Variants in PPP2R2B observed in about 807,000 individuals in gnomAD.
PPP2R2B encodes serine/threonine-protein phosphatase 2A 55 kDa regulatory subunit B beta isoform.
In PPP2R2B, 5 loss-of-function variants were observed where a neutral mutation model predicts 46.0. That is an observed-to-expected ratio of 0.11 (90% confidence interval 0.06 to 0.23). PPP2R2B has a LOEUF of 0.23. Among genes scored for constraint, PPP2R2B ranks in the 10% least tolerant of loss-of-function variants. The probability of loss-of-function intolerance (pLI) is 1.00; values close to 1 mark genes in which losing one functional copy is unlikely to be tolerated. For missense variants in PPP2R2B, 367 were observed against 575.0 expected (o/e 0.64, Z 3.70); for synonymous variants, 215 against 206.7 (o/e 1.04, Z -0.34).
intron 2 of PPP2R2B, among the ~76,000 whole-genome samples, chr5:146,702,778 A>G (rs749446815): frequency 6.6e-6 from 1 of 152,250 alleles, no homozygotes; most frequent in Non-Finnish European, 1.5e-5. Context: ...CAGAGTCTTC[A>G]TTTGGAATAG....
intron 6 of PPP2R2B, among the ~76,000 whole-genome samples, chr5:146,648,207 C>G (rs1051072582): frequency 6.6e-6 from 1 of 152,176 alleles, no homozygotes. Context: ...CACTTGTGAT[C>G]TTCCATGACC....
intron 1 of PPP2R2B, among the ~76,000 whole-genome samples, chr5:147,014,786 A>G (rs1238266539): frequency 6.6e-6 from 1 of 152,044 alleles, no homozygotes; most frequent in Non-Finnish European, 1.5e-5. Context: ...CTAATGCTAG[A>G]TGACGAGTTA....
At chr5:146,664,177 C>A (rs1190479902) in intron 5 of PPP2R2B, among the ~76,000 whole-genome samples, 1 of 152,114 alleles carries the variant, frequency 6.6e-6, no homozygotes, top group Non-Finnish European at 1.5e-5. Flanking sequence ...ATGAAGTTTG[C>A]CATATCGATC....
At chr5:147,074,238 C>A (rs1397253623) in intron 2 of PPP2R2B, among the ~76,000 whole-genome samples, 2 of 151,942 alleles carry the variant, frequency 1.3e-5, no homozygotes, top group Non-Finnish European at 2.9e-5. Flanking sequence ...GTAACTGAAC[C>A]AAGTTTAAAG....
chr5:146,658,074 C>G (rs1459228555), intron 5 of PPP2R2B, among the ~76,000 whole-genome samples: 1 of 152,134 alleles, frequency 6.6e-6, no homozygotes, highest in Non-Finnish European at 1.5e-5. Flanking sequence ...AGGAGGTAGG[C>G]AATATGTAAC....
intron 1 of PPP2R2B, among the ~76,000 whole-genome samples, chr5:146,914,781 G>C (rs184057963): frequency 4.6e-4 from 70 of 152,308 alleles, no homozygotes; most frequent in African/African-American, 1.5e-3. Flanking sequence ...GTAGACAGCA[G>C]ATTTGGTAGC....
intron 2 of PPP2R2B, among the ~76,000 whole-genome samples, chr5:146,770,351 A>C (rs1473664214): frequency 2.0e-5 from 3 of 151,082 alleles, no homozygotes; most frequent in Non-Finnish European, 4.4e-5. Flanking sequence ...AAAAAAAAAA[A>C]AAAAGAATGA....
In PPP2R2B at chr5:146,589,826, C is replaced by CCAAT. The variant is rs1407577938; in HGVS notation, c.*117_*120dup. The CCAAT allele has an allele frequency of 6.5e-6, 7 of 1,068,972 alleles. No homozygotes were observed. The highest frequency in any genetic ancestry group is 3.1e-5 in the South Asian group (2 of 64,700). The allele number at this position is 1,068,972 out of a possible 1,614,324, so 66.2% of individuals were successfully genotyped here. A position where few individuals can be genotyped will look rare whatever the true frequency, so the allele number is the denominator to read the frequency against. On this transcript the variant is annotated 3_prime_UTR_variant, in exon 10 of 10. Transcript: ENST00000394411. ...ATGTTGGACTCCTTTTAATTCTATT[C>CCAAT]CAATCATTTCCTGTATAGGGAAATT...
intron 2 of PPP2R2B, among the ~76,000 whole-genome samples, chr5:146,740,307 T>A (rs1752788484): frequency 6.6e-6 from 1 of 152,152 alleles, no homozygotes; most frequent in Admixed American, 6.5e-5. Flanking sequence ...ATCTTGGAGA[T>A]GATGGGCAAT....
chr5:146,738,395 C>CAAAAAAAA (rs58520511), intron 2 of PPP2R2B, among the ~76,000 whole-genome samples: 2 of 85,842 alleles, frequency 2.3e-5, no homozygotes, highest in African/African-American at 7.9e-5. Flanking sequence ...GACTCAGTCT[C>CAAAAAAAA]AAAAAAAAAA....
chr5:146,622,930 C>A (rs1773806200), intron 7 of PPP2R2B, among the ~76,000 whole-genome samples: 2 of 152,164 alleles, frequency 1.3e-5, no homozygotes, highest in South Asian at 4.1e-4. Context: ...AACATTGAGA[C>A]AATTCTGAGT....
intron 1 of PPP2R2B, among the ~76,000 whole-genome samples, chr5:146,888,230 A>G (rs959047694): frequency 1.3e-5 from 2 of 152,120 alleles, no homozygotes; most frequent in Non-Finnish European, 2.9e-5. Flanking sequence ...ACCTCTCCCC[A>G]GACCTCCAGA....
chr5:146,740,167 C>A (rs989589044), intron 2 of PPP2R2B, among the ~76,000 whole-genome samples: 6 of 152,080 alleles, frequency 3.9e-5, no homozygotes, highest in Admixed American at 3.9e-4. Context: ...GTGGTTCTCA[C>A]CAAAGGTAGA....
chr5:146,639,793 C>T lies in PPP2R2B; in HGVS notation c.626-1378G>A, dbSNP rs142883727. ...TTTTCTTTACTTAGCTTTATCTAAA[C>T]AGTAACCCAATGTTCATAAAATCAT... On this transcript the variant is annotated intron_variant, in intron 6 of 9. Transcript: ENST00000394411. Among the ~76,000 whole-genome samples, 563 of 152,306 alleles carry T rather than the reference C, an allele frequency of 3.7e-3. 4 individuals are homozygous for T. Among genetic ancestry groups the T allele is most frequent in the South Asian group, 0.016 (79 of 4,824 alleles).
chr5:146,695,696 A>C (rs574202064), intron 4 of PPP2R2B, among the ~76,000 whole-genome samples: 1 of 152,182 alleles, frequency 6.6e-6, no homozygotes, highest in Non-Finnish European at 1.5e-5. Flanking sequence ...GTTAATGAGT[A>C]ATGACTTTTT....
At chr5:146,681,578 C>A (rs1047713345) in intron 5 of PPP2R2B, among the ~76,000 whole-genome samples, 2 of 152,128 alleles carry the variant, frequency 1.3e-5, no homozygotes, top group African/African-American at 2.4e-5. Context: ...TTCAATCATC[C>A]AATTATCCTT....
At chr5:147,012,666 G>A (rs1754798565) in intron 1 of PPP2R2B, among the ~76,000 whole-genome samples, 1 of 151,408 alleles carries the variant, frequency 6.6e-6, no homozygotes. Context: ...TTTTAATTGT[G>A]ATGTTAGGGT....
At position 146,696,253 on chromosome 5, in the gene PPP2R2B, G is replaced by A. The variant is rs1344830305; in HGVS notation, c.334+1726C>T. On this transcript the variant is annotated intron_variant, in intron 4 of 9. Coordinates refer to ENST00000394411, the MANE Select transcript of PPP2R2B (RefSeq NM_181675.4). Reference sequence around the variant, plus strand: ...CGAGTAGCCAGGACTACAGGTGCCGGCCACCACACCCGGCTAATTTTTTTG... The same window carrying A: ...CGAGTAGCCAGGACTACAGGTGCCGACCACCACACCCGGCTAATTTTTTTG... Among the ~76,000 whole-genome samples the A allele has an allele frequency of 3.3e-5, 5 of 151,998 alleles. No homozygotes were observed. The East Asian group carries it at 9.7e-4, about 29-fold the overall frequency.
intron 2 of PPP2R2B, among the ~76,000 whole-genome samples, chr5:146,866,233 T>C (rs1761302513): frequency 6.6e-6 from 1 of 152,218 alleles, no homozygotes; most frequent in African/African-American, 2.4e-5. Flanking sequence ...AAAGTTTCAT[T>C]CTATTAGAAT....
Sources: allele counts gnomAD v4.1 joint callset (sites outside exome capture counted in the v4.1 genomes callset), GRCh38; gene constraint gnomAD v4.1.1; transcripts MANE v1.5; gene names NCBI Gene and HGNC (gene_info 2026-07-23, HGNC 2026-07-21).